SPECC1L: variants seen among roughly 807,000 people sequenced by gnomAD.
SPECC1L encodes the protein cytospin-A.
Under a neutral mutation model 116.8 loss-of-function variants are expected in SPECC1L, and 40 were observed. The observed-to-expected ratio is 0.34, with a 90% CI of 0.27 to 0.45. SPECC1L has a LOEUF of 0.45. Ranked by LOEUF, SPECC1L falls within the 20% of genes least tolerant of loss-of-function variation. SPECC1L has a pLI of 1.00. For synonymous variants in SPECC1L, 504 were observed against 500.6 expected, an observed-to-expected ratio of 1.01 and a Z score of -0.09; for missense variants, 1,110 against 1,373.6, an observed-to-expected ratio of 0.81 and a Z score of 3.03.
intron 13 of SPECC1L, among the ~76,000 whole-genome samples, chr22:24,366,262 G>A (rs1197687991): frequency 2.0e-5 from 3 of 151,772 alleles, no homozygotes; most frequent in East Asian, 3.9e-4. Flanking sequence ...GCGCGATCTC[G>A]GCTCACTGCA....
intron 14 of SPECC1L, among the ~76,000 whole-genome samples, chr22:24,390,064 C>T (rs1191968126): frequency 1.3e-5 from 2 of 151,800 alleles, no homozygotes; most frequent in African/African-American, 4.8e-5. Flanking sequence ...TTTCACATGT[C>T]ATCCCTCTTT....
intron 11 of SPECC1L, among the ~76,000 whole-genome samples, chr22:24,353,676 A>G (rs929096997): frequency 2.0e-5 from 3 of 151,930 alleles, no homozygotes; most frequent in African/African-American, 7.3e-5. Flanking sequence ...CCACAGTGCT[A>G]GCATAACAGG....
chr22:24,342,109 G>C (rs2041188517), intron 10 of SPECC1L, among the ~76,000 whole-genome samples: 1 of 152,200 alleles, frequency 6.6e-6, no homozygotes, highest in African/African-American at 2.4e-5. Context: ...AACTAATACA[G>C]TAGTGTACTT....
At chr22:24,319,786 C>G (rs1409886016) in intron 4 of SPECC1L, among the ~76,000 whole-genome samples, 2 of 152,230 alleles carry the variant, frequency 1.3e-5, no homozygotes, top group East Asian at 3.8e-4. Context: ...CTCCCTCTAT[C>G]TGTGGAGATC....
At chr22:24,290,167 T>G (rs1367402307) in intron 2 of SPECC1L, among the ~76,000 whole-genome samples, 1 of 152,226 alleles carries the variant, frequency 6.6e-6, no homozygotes, top group African/African-American at 2.4e-5. Context: ...TGAGACTTTC[T>G]TAACTGGTTG....
At chr22:24,287,580 C>A (rs1277432565) in intron 2 of SPECC1L, among the ~76,000 whole-genome samples, 1 of 152,170 alleles carries the variant, frequency 6.6e-6, no homozygotes, top group Non-Finnish European at 1.5e-5. Flanking sequence ...AGATTTAGCA[C>A]ACCAAGGCCC....
At chr22:24,312,733 C>T (rs372324035) in intron 3 of SPECC1L, among the ~76,000 whole-genome samples, 9 of 152,144 alleles carry the variant, frequency 5.9e-5, no homozygotes, top group East Asian at 5.8e-4. Flanking sequence ...CAAGTAATAA[C>T]GATCATTTAG....
Position 24,322,672 on chromosome 22 carries a change from A to G in SPECC1L, c.1692A>G (p.Glu564=). 2 of 1,610,956 alleles carry G rather than the reference A, an allele frequency of 1.2e-6. No homozygotes were observed. The highest frequency in any genetic ancestry group is 1.1e-5 in the South Asian group (1 of 90,608). The change falls in exon 5 of 17, where the codon GAA becomes GAG. Residue 564 remains glutamate, a synonymous_variant. Coordinates refer to ENST00000314328, the MANE Select transcript of SPECC1L (RefSeq NM_015330.6). ...CAGCCTTGGCAGCCACGTTAGAGGA[A>G]TACAAAGCCACAGTGGCCAGTGACC... ...GKAALAATLE[E]YKATVASDQI... is the part of the protein sequence containing the mutation.
Position 24,416,875 on chromosome 22 carries a change from T to G in SPECC1L, c.*2252T>G, listed in dbSNP as rs1237514968. 6.6e-6 allele frequency: 1 copy of G among 152,320 alleles called. No individual in the cohort carries two copies. Among genetic ancestry groups the G allele is most frequent in the Non-Finnish European group, 1.5e-5 (1 of 68,128 alleles). 9.4% of individuals were successfully genotyped at this position (152,320 alleles called of 1,614,324 possible). The stretch of plus-strand genomic sequence containing the variant: ...AAAGAGGGTGGGCACGGGGAGGGCT[T>G]GGCCCCGCCTATCTAGAGGCTTGCC... On this transcript the variant is annotated 3_prime_UTR_variant, in exon 17 of 17. Transcript: ENST00000314328.
At chr22:24,335,970 A>G (rs1257991943) in intron 9 of SPECC1L, among the ~76,000 whole-genome samples, 1 of 152,064 alleles carries the variant, frequency 6.6e-6, no homozygotes, top group Non-Finnish European at 1.5e-5. Flanking sequence ...TATGTATGAA[A>G]AACTCTTATG....
chr22:24,390,872 CTTTTTTTTTTT>C (rs1016008966), intron 14 of SPECC1L, among the ~76,000 whole-genome samples: 656 of 57,132 alleles, frequency 0.011, 3 homozygotes, highest in South Asian at 0.016. Flanking sequence ...TTTTTCTTTT[CTTTTTTTTTTT>C]TTTTTTTTTT....
At chr22:24,364,000 G>A (rs1445762274) in intron 12 of SPECC1L, among the ~76,000 whole-genome samples, 2 of 152,262 alleles carry the variant, frequency 1.3e-5, no homozygotes, top group South Asian at 4.1e-4. Context: ...AACATGGATT[G>A]CATTAAATCA....
In SPECC1L at chr22:24,321,473, C is replaced by CACATTCT. The variant is rs1340067132; in HGVS notation, c.493_494insACATTCT (p.Arg165HisfsTer8). ...TCGAACTGCTACAGAATGTGACGTT[C>CACATTCT]GTATGAGCAAGTCTAAGTCAGACAA... On this transcript the variant is annotated frameshift_variant, in exon 5 of 17. Transcript: ENST00000314328. LOFTEE classifies it high-confidence loss of function. 1 of 1,614,126 alleles carries CACATTCT rather than the reference C, an allele frequency of 6.2e-7. No individual in the cohort carries two copies. Among genetic ancestry groups the CACATTCT allele is most frequent in the Non-Finnish European group, 8.5e-7 (1 of 1,180,064 alleles).
intron 14 of SPECC1L, among the ~76,000 whole-genome samples, chr22:24,395,497 T>A (rs1398244389): frequency 6.6e-6 from 1 of 151,970 alleles, no homozygotes; most frequent in Non-Finnish European, 1.5e-5. Flanking sequence ...AAGGAAGAGA[T>A]ATTTCATCAG....
At chr22:24,334,305 C>A (rs550936508) in intron 8 of SPECC1L, 105 bp from the exon 9 acceptor site, 18 of 1,202,032 alleles carry the variant, frequency 1.5e-5, no homozygotes, top group Middle Eastern at 2.4e-4. Context: ...AGCCACCGTG[C>A]CCGGCCATTA....
At chr22:24,365,035 T>C (rs759561343) in intron 12 of SPECC1L, among the ~76,000 whole-genome samples, 1 of 152,138 alleles carries the variant, frequency 6.6e-6, no homozygotes, top group African/African-American at 2.4e-5. Context: ...AGATGGAGTC[T>C]CTCTCTGTCG....
At chr22:24,327,670 AG>A (rs2040857909) in intron 6 of SPECC1L, among the ~76,000 whole-genome samples, 1 of 152,142 alleles carries the variant, frequency 6.6e-6, no homozygotes, top group Admixed American at 6.5e-5. Context: ...ACAAAAACCT[AG>A]GTAACGATTT....
At chr22:24,282,991 T>C (rs2048974236) in intron 2 of SPECC1L, among the ~76,000 whole-genome samples, 1 of 152,130 alleles carries the variant, frequency 6.6e-6, no homozygotes, top group Non-Finnish European at 1.5e-5. Flanking sequence ...TTGGCCAGGC[T>C]GGTCTCGAAC....
chr22:24,339,124 TGG>T (rs751644594), intron 10 of SPECC1L, among the ~76,000 whole-genome samples: 4 of 152,168 alleles, frequency 2.6e-5, no homozygotes, highest in Non-Finnish European at 5.9e-5. Flanking sequence ...GAAGGTGGGA[TGG>T]GGCCTGGGCT....
Sources: allele counts gnomAD v4.1 joint callset (sites outside exome capture counted in the v4.1 genomes callset), GRCh38; gene constraint gnomAD v4.1.1; transcripts MANE v1.5; gene names NCBI Gene and HGNC (gene_info 2026-07-23, HGNC 2026-07-21).